The following PCGF5 variants were observed in gnomAD, a reference collection of about 807,000 sequenced individuals.
PCGF5 encodes polycomb group RING finger protein 5.
In PCGF5, 9 loss-of-function variants were observed where a neutral mutation model predicts 44.3. That is an observed-to-expected ratio of 0.20 (90% CI 0.12 to 0.35). The LOEUF (loss-of-function observed/expected upper bound fraction) is 0.35, where lower values mean the gene tolerates loss of function less well. Among genes scored for constraint, PCGF5 ranks in the 10% least tolerant of loss-of-function variants. The pLI, the probability that PCGF5 is intolerant of heterozygous loss-of-function variation, is 1.00. For synonymous variants in PCGF5, 95 were observed against 102.5 expected (o/e 0.93, Z 0.44); for missense variants, 146 against 305.3 (o/e 0.48, Z 3.89).
At chr10:91,246,839 A>C (rs1047036193) in intron 3 of PCGF5, among the ~76,000 whole-genome samples, 1 of 152,150 alleles carries the variant, frequency 6.6e-6, no homozygotes, top group Admixed American at 6.6e-5. Context: ...AGGAGGATAG[A>C]TGAGACAATC....
In PCGF5 at chr10:91,202,377, C is replaced by T. The variant is rs2133236354; in HGVS notation, c.-183-20312C>T. ...TGAACCTAATGATTTCAGTAAAACC[C>T]ACCATTGTGACCTTGAGAGAGTTAA... On this transcript the variant is annotated intron_variant, in intron 1 of 9. Transcript: ENST00000614189. Among the ~76,000 whole-genome samples, 3 of 152,254 alleles carry T rather than the reference C, an allele frequency of 2.0e-5. 1 individual carries two copies. Among genetic ancestry groups the T allele is most frequent in the Middle Eastern group, 6.8e-3 (2 of 294 alleles).
At chr10:91,219,385 C>G (rs565745937), upstream of PCGF5, among the ~76,000 whole-genome samples, 1 of 152,308 alleles carries the variant, frequency 6.6e-6, no homozygotes, top group South Asian at 2.1e-4. Context: ...TAGGAACATA[C>G]CAAGTCTTTT....
At chr10:91,176,190 G>T (rs542825607) in intron 1 of PCGF5, among the ~76,000 whole-genome samples, 1 of 152,194 alleles carries the variant, frequency 6.6e-6, no homozygotes, top group Non-Finnish European at 1.5e-5. Context: ...GGCTGGATAT[G>T]AAATTCTGGG....
chr10:91,245,740 G>A (rs1012200699), intron 3 of PCGF5, among the ~76,000 whole-genome samples: 28 of 152,094 alleles, frequency 1.8e-4, no homozygotes, highest in Admixed American at 9.8e-4. Flanking sequence ...TATGGTGGCC[G>A]GGGCCTGTGG....
chr10:91,261,296 A>G (rs1233678991), intron 6 of PCGF5, 30 bp from the exon 7 acceptor site: 6 of 1,450,392 alleles, frequency 4.1e-6, no homozygotes, highest in Non-Finnish European at 5.5e-6. Context: ...CTGGTAGAAC[A>G]TTTTAACTGG....
At chr10:91,218,373 G>A (rs1010060579), upstream of PCGF5, among the ~76,000 whole-genome samples, 7 of 151,630 alleles carry the variant, frequency 4.6e-5, no homozygotes, top group Non-Finnish European at 8.8e-5. Context: ...TTGTTTACTT[G>A]AGGGTCCCAC....
intron 1 of PCGF5, among the ~76,000 whole-genome samples, chr10:91,170,417 T>C (rs977660315): frequency 3.3e-5 from 5 of 152,168 alleles, no homozygotes; most frequent in African/African-American, 7.2e-5. Context: ...CTCTTAAAAC[T>C]GAATATGCAA....
At position 91,248,720 on chromosome 10, in the gene PCGF5, A is replaced by T. The variant is rs1351071835; in HGVS notation, c.321A>T (p.Gly107=). ...FWKKNKPQEN[G]QDDTSKADKP... ...AGAAAAATAAGCCTCAAGAAAATGGACAAGGTGACTTTTTCTTATGTCTGT... is the reference window on the plus strand; with the variant it reads ...AGAAAAATAAGCCTCAAGAAAATGGTCAAGGTGACTTTTTCTTATGTCTGT... Residue 107 remains glycine, a synonymous_variant, in exon 5 of 10, where the codon GGA becomes GGT. Transcript: ENST00000336126. 1 of 1,607,200 alleles carries T rather than the reference A, an allele frequency of 6.2e-7. No individual in the cohort carries two copies. Among genetic ancestry groups the T allele is most frequent in the Non-Finnish European group, 8.5e-7 (1 of 1,176,810 alleles).
At chr10:91,194,136 G>T (rs1161728782) in intron 1 of PCGF5, among the ~76,000 whole-genome samples, 1 of 152,154 alleles carries the variant, frequency 6.6e-6, no homozygotes, top group Non-Finnish European at 1.5e-5. Context: ...GATGCAGAGT[G>T]TGGTAGGCAG....
chr10:91,254,774 A>G (rs1459737187), intron 6 of PCGF5, among the ~76,000 whole-genome samples: 2 of 152,116 alleles, frequency 1.3e-5, no homozygotes, highest in African/African-American at 2.4e-5. Flanking sequence ...CTGAAAATTC[A>G]CTTTTCCATG....
At chr10:91,194,117 C>A (rs568545206) in intron 1 of PCGF5, among the ~76,000 whole-genome samples, 1 of 152,128 alleles carries the variant, frequency 6.6e-6, no homozygotes, top group Admixed American at 6.5e-5. Flanking sequence ...TGTTAAACAT[C>A]CAGTTAAAGA....
At chr10:91,189,770 C>T (rs1003097657) in intron 1 of PCGF5, among the ~76,000 whole-genome samples, 4 of 152,120 alleles carry the variant, frequency 2.6e-5, no homozygotes, top group African/African-American at 9.7e-5. Flanking sequence ...AGTTAAAATC[C>T]TAAGAAGCAT....
chr10:91,157,581 A>G, the PCGF5 span, among the ~76,000 whole-genome samples: 1 of 152,186 alleles, frequency 6.6e-6, no homozygotes, highest in African/African-American at 2.4e-5. Context: ...ATTCAGACAA[A>G]AAAGACAAGC....
intron 8 of PCGF5, among the ~76,000 whole-genome samples, chr10:91,269,532 T>G (rs966248653): frequency 1.2e-4 from 19 of 152,286 alleles, no homozygotes; most frequent in African/African-American, 4.6e-4. Context: ...ACATTTAGAT[T>G]TTTTTCAAAT....
At chr10:91,218,939 T>G (rs1389632503), upstream of PCGF5, among the ~76,000 whole-genome samples, 1 of 152,226 alleles carries the variant, frequency 6.6e-6, no homozygotes, top group Non-Finnish European at 1.5e-5. Context: ...ATTATTATTT[T>G]TTTAACCAGA....
intron 7 of PCGF5, among the ~76,000 whole-genome samples, chr10:91,262,526 A>G (rs941823447): frequency 8.5e-5 from 13 of 152,232 alleles, no homozygotes; most frequent in African/African-American, 3.1e-4. Flanking sequence ...GCTTATCTGC[A>G]GTAATATGAA....
intron 6 of PCGF5, among the ~76,000 whole-genome samples, chr10:91,255,272 A>G (rs1052938993): frequency 1.9e-4 from 29 of 152,134 alleles, no homozygotes; most frequent in Admixed American, 1.0e-3. Flanking sequence ...ACAAGAGACT[A>G]ACCAAAAAGC....
At chr10:91,207,635 A>T (rs1844371393) in intron 1 of PCGF5, among the ~76,000 whole-genome samples, 1 of 152,216 alleles carries the variant, frequency 6.6e-6, no homozygotes, top group African/African-American at 2.4e-5. Context: ...ATGAAGTCCC[A>T]ATTCAGTAAA....
At chr10:91,218,827 G>A (rs538533965), upstream of PCGF5, among the ~76,000 whole-genome samples, 3 of 151,770 alleles carry the variant, frequency 2.0e-5, no homozygotes, top group Non-Finnish European at 4.4e-5. Context: ...ATGGGGTTTC[G>A]CCATATTGGC....
Sources: gnomAD v4.1 joint callset for allele counts (sites outside exome capture counted in the v4.1 genomes callset) on GRCh38, gnomAD v4.1.1 for gene constraint, MANE v1.5 for transcripts, NCBI Gene and HGNC (gene_info 2026-07-23, HGNC 2026-07-21) for gene names.